The following FLRT1 variants were observed in gnomAD, a reference collection of about 807,000 sequenced individuals.
FLRT1 encodes fibronectin leucine rich transmembrane protein 1, also known as leucine-rich repeat transmembrane protein FLRT1.
Under a neutral mutation model 30.9 loss-of-function variants are expected in FLRT1, and 14 were observed. The observed-to-expected ratio is 0.45, with a 90% CI of 0.30 to 0.71. The LOEUF is 0.71. Ranked by LOEUF, FLRT1 falls within the 30% of genes least tolerant of loss-of-function variation. The probability of loss-of-function intolerance (pLI) is 0.08; values close to 1 mark genes in which losing one functional copy is unlikely to be tolerated. For synonymous variants in FLRT1, 368 were observed against 430.4 expected, an observed-to-expected ratio of 0.85 and a Z score of 1.80; for missense variants, 737 against 949.2, an observed-to-expected ratio of 0.78 and a Z score of 2.94.
intron 1 of FLRT1, among the ~76,000 whole-genome samples, chr11:64,038,795 T>C (rs1943430697): frequency 6.6e-6 from 1 of 152,158 alleles, no homozygotes; most frequent in African/African-American, 2.4e-5. Context: ...CCTGGGACAC[T>C]AGAATGCCAT....
intron 1 of FLRT1, among the ~76,000 whole-genome samples, chr11:64,080,706 A>C (rs1333493649): frequency 1.3e-5 from 2 of 152,124 alleles, no homozygotes; most frequent in Non-Finnish European, 2.9e-5. Flanking sequence ...CAGACCCAGG[A>C]CCGGGGAAGG....
rs1201447568 is a variant in FLRT1 at position 64,117,464 on chromosome 11, C to T, written c.1197C>T (p.His399=). The change falls in exon 3 of 3, where the codon CAC becomes CAT. Residue 399 remains histidine (H), a synonymous_variant. Coordinates refer to ENST00000682287, the MANE Select transcript of FLRT1 (RefSeq NM_013280.5). The part of the protein sequence containing the change: ...NAAAKTTASN[H]ASATTPQGSL... ...CTGCCAAGACCACGGCCAGCAACCA[C>T]GCCTCTGCCACCACGCCCCAGGGTT... 6.8e-6 allele frequency: 11 copies of T among 1,612,878 alleles called. No homozygotes were observed. Among genetic ancestry groups the T allele is most frequent in the South Asian group, 3.3e-5 (3 of 91,014 alleles).
rs1015244756 is a variant in FLRT1, at chr11:64,092,911, C to T, written c.-1037-10283C>T. On this transcript the variant is annotated intron_variant, in intron 1 of 2. Transcript: ENST00000682287. ...CAAACTTCAATTGGCATCTTTGCCGCAGGACTTCTCAGATCCTTTAATATG... is the reference window on the plus strand; with the variant it reads ...CAAACTTCAATTGGCATCTTTGCCGTAGGACTTCTCAGATCCTTTAATATG... Among the ~76,000 whole-genome samples, 9 of 152,362 alleles carry T rather than the reference C, an allele frequency of 5.9e-5. No homozygotes were observed. The Middle Eastern group carries it at 0.024, about 403-fold the overall frequency.
chr11:64,049,272 G>A (rs1366531581), intron 1 of FLRT1, among the ~76,000 whole-genome samples: 6 of 152,162 alleles, frequency 3.9e-5, no homozygotes, highest in Non-Finnish European at 8.8e-5. Context: ...GAGGCACAGA[G>A]AAGCGAAAAA....
Position 64,067,861 on chromosome 11 carries a change from G to A in FLRT1, c.-1038+31702G>A, listed in dbSNP as rs556545652. Among the ~76,000 whole-genome samples the A allele has an allele frequency of 6.6e-6, 1 of 152,158 alleles. No homozygotes were observed. On this transcript the variant is annotated intron_variant, in intron 1 of 2. Transcript: ENST00000682287. This position sits in a 1 kb window ranked among gnomAD's most constrained non-coding sequence, Gnocchi z 4.6. ...AGGGGGTTGGGGGAGGAGCTGAGCG[G>A]CCCACTTCCTGCTGCTGTCCATTTA...
chr11:64,044,142 C>T (rs763026081), intron 1 of FLRT1, among the ~76,000 whole-genome samples: 3 of 152,074 alleles, frequency 2.0e-5, no homozygotes, highest in Non-Finnish European at 4.4e-5. Flanking sequence ...AAAGCATATG[C>T]TCGTAACCCC....
Position 64,116,712 on chromosome 11 carries a change from C to G in FLRT1, c.445C>G (p.Arg149Gly). The G allele has an allele frequency of 1.2e-6, 2 of 1,613,728 alleles. No individual in the cohort carries two copies. Among genetic ancestry groups the G allele is most frequent in the South Asian group, 1.1e-5 (1 of 91,076 alleles). Reference sequence around the variant, plus strand: ...CACCATTGCCAGGGACTCGCTGGCCCGCATCCCGCTGCTGGAGAAGCTGCA... The same window carrying G: ...CACCATTGCCAGGGACTCGCTGGCCGGCATCCCGCTGCTGGAGAAGCTGCA... ...VRTIARDSLA[R>G]IPLLEKLHLD... The change falls in exon 3 of 3, where the codon CGC (arginine) becomes GGC (glycine). Residue 149 changes from arginine to glycine, a missense_variant. Arg to Gly is a moderately radical substitution (Grantham distance 125). Transcript: ENST00000682287.
At chr11:64,056,676 G>A (rs528093479) in intron 1 of FLRT1, among the ~76,000 whole-genome samples, 1 of 152,280 alleles carries the variant, frequency 6.6e-6, no homozygotes, top group South Asian at 2.1e-4. Flanking sequence ...GGCACCACCC[G>A]GGGCTGTGCC....
intron 1 of FLRT1, among the ~76,000 whole-genome samples, chr11:64,052,646 G>C (rs1351874601): frequency 2.0e-5 from 3 of 152,222 alleles, no homozygotes; most frequent in Admixed American, 6.5e-5. Flanking sequence ...CCACCTGGGA[G>C]GGCAACTGAC....
At chr11:64,079,022 C>A (rs1331273016) in intron 1 of FLRT1, among the ~76,000 whole-genome samples, 1 of 149,386 alleles carries the variant, frequency 6.7e-6, no homozygotes, top group Non-Finnish European at 1.5e-5. Context: ...GGTGATGGGA[C>A]TGGGTTCCCA....
rs1487112263 is a variant in FLRT1 at position 64,118,966 on chromosome 11, C to T, written c.*674C>T. On this transcript the variant is annotated 3_prime_UTR_variant, in exon 3 of 3. Coordinates refer to ENST00000682287, the MANE Select transcript of FLRT1 (RefSeq NM_013280.5). The stretch of plus-strand genomic sequence containing the variant: ...AAACTTTTTTTTCCTAGGCTGAAGC[C>T]CTCTTCAGTTCCATGCACCACGCTC... 1 of 167,050 alleles carries T rather than the reference C, an allele frequency of 6.0e-6. No homozygotes were observed. Among genetic ancestry groups the T allele is most frequent in the Non-Finnish European group, 1.5e-5 (1 of 68,104 alleles). 10.3% of individuals were successfully genotyped at this position (167,050 alleles called of 1,614,324 possible). A position where few individuals can be genotyped will look rare whatever the true frequency, so the allele number is the denominator to read the frequency against.
intron 2 of FLRT1, 33 bp from the exon 3 acceptor site, chr11:64,116,186 C>G: frequency 6.6e-7 from 1 of 1,512,140 alleles, no homozygotes; most frequent in Non-Finnish European, 8.8e-7. Context: ...TCGCCGCCTC[C>G]CTCTCACTGC....
At chr11:64,046,588 G>T (rs192893798) in intron 1 of FLRT1, among the ~76,000 whole-genome samples, 2 of 152,232 alleles carry the variant, frequency 1.3e-5, no homozygotes, top group East Asian at 3.9e-4. Context: ...TTTTGTTCTC[G>T]TCGCTCAGGC....
At chr11:64,046,742 G>C (rs533890915) in intron 1 of FLRT1, among the ~76,000 whole-genome samples, 1 of 151,912 alleles carries the variant, frequency 6.6e-6, no homozygotes, top group African/African-American at 2.4e-5. Flanking sequence ...TGAGTAATCC[G>C]CCTGCCTCAA....
Position 64,118,606 on chromosome 11 carries a change from T to TTC in FLRT1, c.*314_*315insTC. 1.3e-5 allele frequency: 3 copies of TTC among 234,382 alleles called. No individual in the cohort carries two copies. In the East Asian group the frequency reaches 2.3e-4, roughly 18 times the overall value. The allele number at this position is 234,382 out of a possible 1,614,324, so 14.5% of individuals were successfully genotyped here. On this transcript the variant is annotated 3_prime_UTR_variant, in exon 3 of 3. Coordinates refer to ENST00000682287, the MANE Select transcript of FLRT1 (RefSeq NM_013280.5). ...AGGGCTGGGTTGGGTTTTTTTTTTT[T>TTC]CCCCCCTGAACTGGAAGGATACTAC... is the stretch of plus-strand genomic sequence containing the variant.
At chr11:64,039,114 G>A (rs1943436759) in intron 1 of FLRT1, among the ~76,000 whole-genome samples, 1 of 152,206 alleles carries the variant, frequency 6.6e-6, no homozygotes, top group Non-Finnish European at 1.5e-5. Flanking sequence ...ATCCACTCTG[G>A]TACCTGGCCC....
rs1183370793 is a variant in FLRT1, at chr11:64,096,695, G to A, written c.-1037-6499G>A. On this transcript the variant is annotated intron_variant, in intron 1 of 2. Coordinates refer to ENST00000682287, the MANE Select transcript of FLRT1 (RefSeq NM_013280.5). The surrounding 1 kb of genome is among the most constrained non-coding windows in gnomAD (Gnocchi z 4.6). Reference sequence around the variant, plus strand: ...GCCTCCCAAAGTGCTGGGATTACAGGCATGAGCCACCGCACCCTACCCTCT... The same window carrying A: ...GCCTCCCAAAGTGCTGGGATTACAGACATGAGCCACCGCACCCTACCCTCT... 6.6e-6 allele frequency among the ~76,000 whole-genome samples: 1 copy of A among 152,180 alleles called. No homozygotes were observed. Among genetic ancestry groups the A allele is most frequent in the African/African-American group, 2.4e-5 (1 of 41,448 alleles).
At position 64,117,159 on chromosome 11, in the gene FLRT1, C is replaced by T. The variant is rs763041801; in HGVS notation, c.892C>T (p.Arg298Trp). Residue 298 changes from arginine (R) to tryptophan (W), a missense_variant, in exon 3 of 3, where the codon CGG becomes TGG. Transcript: ENST00000682287. ...NTLAKMRELE[R>W]LDLSNNNLTT... Reference sequence around the variant, plus strand: ...GCTGGCCAAGATGCGTGAGCTGGAGCGGCTGGACCTGTCCAACAACAACCT... The same window carrying T: ...GCTGGCCAAGATGCGTGAGCTGGAGTGGCTGGACCTGTCCAACAACAACCT... 2.0e-5 allele frequency: 33 copies of T among 1,613,746 alleles called. No individual in the cohort carries two copies. The highest frequency in any genetic ancestry group is 1.5e-4 in the South Asian group (14 of 91,072).
chr11:64,063,295 C>T (rs1943938000), intron 1 of FLRT1, among the ~76,000 whole-genome samples: 2 of 151,896 alleles, frequency 1.3e-5, no homozygotes, highest in Admixed American at 1.3e-4. Flanking sequence ...ATAATATTGG[C>T]CAAATGAGTT....
Sources: allele counts gnomAD v4.1 joint callset (sites outside exome capture counted in the v4.1 genomes callset), GRCh38; gene constraint gnomAD v4.1.1; non-coding constraint Gnocchi (gnomAD v3.1); transcripts MANE v1.5; gene names NCBI Gene and HGNC (gene_info 2026-07-23, HGNC 2026-07-21).